Variants in NDST4 observed in about 807,000 individuals in gnomAD.
NDST4 encodes N-heparan sulfate sulfotransferase 4.
NDST4 carries 63 observed loss-of-function variants against 100.8 expected under a neutral mutation model. The observed-to-expected ratio is 0.62, with a 90% confidence interval of 0.51 to 0.77. The LOEUF is 0.77. NDST4 is among the 30% of genes least tolerant of loss of function. NDST4 has a pLI of 0.00. For missense variants in NDST4, 943 were observed against 1,018.4 expected (o/e 0.93, Z 1.01); for synonymous variants, 377 against 361.8 (o/e 1.04, Z -0.48).
intron 9 of NDST4, among the ~76,000 whole-genome samples, chr4:114,847,979 CATA>C (rs1208730632): frequency 5.3e-5 from 8 of 152,058 alleles, no homozygotes; most frequent in African/African-American, 1.4e-4. Flanking sequence ...AAATATATCC[CATA>C]ATGTTTTTTA....
At chr4:114,877,098 G>A (rs753986992) in intron 6 of NDST4, among the ~76,000 whole-genome samples, 1 of 151,106 alleles carries the variant, frequency 6.6e-6, no homozygotes, top group Admixed American at 6.6e-5. Flanking sequence ...GCGTGCACGC[G>A]CGCAAGCCTG....
intron 6 of NDST4, among the ~76,000 whole-genome samples, chr4:114,931,649 A>C (rs1443218497): frequency 6.6e-6 from 1 of 151,852 alleles, no homozygotes; most frequent in Non-Finnish European, 1.5e-5. Context: ...AAATAAAATG[A>C]GAAAGAGGAG....
chr4:114,854,332 A>C (rs1327495487), intron 7 of NDST4, among the ~76,000 whole-genome samples: 2 of 152,178 alleles, frequency 1.3e-5, no homozygotes, highest in Non-Finnish European at 2.9e-5. Flanking sequence ...GCTGAATAGT[A>C]CTTCATTGTG....
rs556767919 is a variant in NDST4 at position 114,980,324 on chromosome 4, C to T, written c.979-3050G>A. 1.4e-4 allele frequency among the ~76,000 whole-genome samples: 22 copies of T among 152,154 alleles called. No individual in the cohort carries two copies. In the East Asian group the frequency reaches 2.9e-3, roughly 20 times the overall value. On this transcript the variant is annotated intron_variant, in intron 2 of 13. Coordinates refer to ENST00000264363, the MANE Select transcript of NDST4 (RefSeq NM_022569.3). ...CTTTTTTCTACCTGAATATTTCGTG[C>T]GGAAACTTTAGTTTTGAATATGTGT... is the stretch of plus-strand genomic sequence containing the variant.
chr4:114,890,687 G>T (rs1223000268), intron 6 of NDST4, among the ~76,000 whole-genome samples: 1 of 151,972 alleles, frequency 6.6e-6, no homozygotes, highest in Non-Finnish European at 1.5e-5. Flanking sequence ...TGCTTCTTCA[G>T]AATAGAACAG....
intron 2 of NDST4, among the ~76,000 whole-genome samples, chr4:114,998,910 A>G (rs1043565029): frequency 1.3e-5 from 2 of 151,968 alleles, no homozygotes; most frequent in African/African-American, 4.8e-5. Flanking sequence ...GTGACTTGTG[A>G]TTTCCCCCTA....
intron 2 of NDST4, among the ~76,000 whole-genome samples, chr4:114,990,977 A>T (rs1727024678): frequency 1.3e-5 from 2 of 152,140 alleles, no homozygotes; most frequent in African/African-American, 4.8e-5. Flanking sequence ...CCTCATTTTA[A>T]TGAGTTCATT....
intron 8 of NDST4, among the ~76,000 whole-genome samples, chr4:114,851,494 C>G (rs370406430): frequency 6.6e-6 from 1 of 152,012 alleles, no homozygotes; most frequent in South Asian, 2.1e-4. Flanking sequence ...TTTATGAATG[C>G]AAACAACAAG....
At chr4:114,981,077 G>A (rs546304066) in intron 2 of NDST4, among the ~76,000 whole-genome samples, 97 of 152,200 alleles carry the variant, frequency 6.4e-4, no homozygotes, top group African/African-American at 2.3e-3. Context: ...GCCTGGCATG[G>A]TGGGGTGTGT....
rs1175648278 is a variant in NDST4, at chr4:115,042,835, C to T, written c.978+33224G>A. On this transcript the variant is annotated intron_variant, in intron 2 of 13. Transcript: ENST00000264363. ...AGTTCCCAAACTTTTTCATCAATGA[C>T]ACTTTGAGTGTCTTGGTAATTTATT... 3.3e-5 allele frequency among the ~76,000 whole-genome samples: 5 copies of T among 152,212 alleles called. No individual in the cohort carries two copies. The South Asian group carries it at 8.3e-4, about 25-fold the overall frequency.
intron 2 of NDST4, among the ~76,000 whole-genome samples, chr4:115,061,793 A>T (rs901983377): frequency 6.6e-6 from 1 of 152,054 alleles, no homozygotes; most frequent in African/African-American, 2.4e-5. Flanking sequence ...GTATAATTTT[A>T]AAAAAAGTAG....
intron 6 of NDST4, among the ~76,000 whole-genome samples, chr4:114,890,198 T>C (rs540585454): frequency 1.1e-4 from 16 of 152,276 alleles, no homozygotes; most frequent in African/African-American, 3.8e-4. Context: ...CTCTGTTTTA[T>C]AAAGTCTCTT....
At chr4:114,877,744 T>C (rs1724285828) in intron 6 of NDST4, among the ~76,000 whole-genome samples, 1 of 152,048 alleles carries the variant, frequency 6.6e-6, no homozygotes, top group Non-Finnish European at 1.5e-5. Flanking sequence ...AGTAAGGAGT[T>C]TGAGACCAGC....
At chr4:114,996,456 T>C (rs1267791873) in intron 2 of NDST4, among the ~76,000 whole-genome samples, 1 of 152,146 alleles carries the variant, frequency 6.6e-6, no homozygotes, top group African/African-American at 2.4e-5. Context: ...TTTTCTGTCA[T>C]GTTATATTGT....
chr4:114,831,209 C>A (rs543284394), intron 12 of NDST4, among the ~76,000 whole-genome samples: 1 of 147,762 alleles, frequency 6.8e-6, no homozygotes, highest in Non-Finnish European at 1.5e-5. Context: ...CCCGCCACGG[C>A]GCCCGGCTAA....
At chr4:115,051,276 A>G (rs530398795) in intron 2 of NDST4, among the ~76,000 whole-genome samples, 4 of 152,232 alleles carry the variant, frequency 2.6e-5, no homozygotes, top group Admixed American at 2.6e-4. Flanking sequence ...AAACATCTGT[A>G]AATTTTACAT....
At chr4:115,001,572 A>G (rs1011577712) in intron 2 of NDST4, among the ~76,000 whole-genome samples, 5 of 152,050 alleles carry the variant, frequency 3.3e-5, no homozygotes, top group Non-Finnish European at 5.9e-5. Flanking sequence ...TACCAAAGAA[A>G]AATGACTCCC....
chr4:115,047,642 A>G (rs1728492262), intron 2 of NDST4, among the ~76,000 whole-genome samples: 2 of 152,118 alleles, frequency 1.3e-5, no homozygotes. Context: ...TTTAATAATG[A>G]GGATGGCCTT....
At chr4:114,902,036 A>C (rs1332670573) in intron 6 of NDST4, among the ~76,000 whole-genome samples, 5 of 152,096 alleles carry the variant, frequency 3.3e-5, no homozygotes, top group Admixed American at 3.3e-4. Context: ...TATGTGACAC[A>C]TATATGAAAC....
Sources: allele counts gnomAD v4.1 joint callset (sites outside exome capture counted in the v4.1 genomes callset), GRCh38; gene constraint gnomAD v4.1.1; transcripts MANE v1.5; gene names NCBI Gene and HGNC (gene_info 2026-07-23, HGNC 2026-07-21).